The following MILR1 variants were observed in gnomAD, a reference collection of about 807,000 sequenced individuals.
MILR1 encodes the protein allergin-1.
In MILR1, 31 loss-of-function variants were observed where a neutral mutation model predicts 18.5. The ratio of observed to expected loss-of-function variants is 1.68; its 90% confidence interval spans 1.26 to 2.26. The LOEUF is 2.26. Among genes scored for constraint, MILR1 ranks in the 30% most tolerant of loss-of-function variants. MILR1 has a pLI of 0.00. For missense variants in MILR1, 257 were observed against 157.4 expected, an observed-to-expected ratio of 1.63 and a Z score of -3.38; for synonymous variants, 85 against 56.2, an observed-to-expected ratio of 1.51 and a Z score of -2.30.
At chr17:64,497,144 C>T in the MILR1 span, 1 of 695,188 alleles carries the variant, frequency 1.4e-6, no homozygotes, top group South Asian at 1.6e-5. Context: ...GCAGCCGTCC[C>T]CCGCCCACCA....
At chr17:64,486,771 G>C in the MILR1 span, 114 of 152,214 alleles carry the variant, frequency 7.5e-4, no homozygotes, top group African/African-American at 2.7e-3. Context: ...ATAATTTTCT[G>C]AAACGTAAAG....
chr17:64,494,939 C>T, the MILR1 span, among the ~76,000 whole-genome samples: 1 of 151,990 alleles, frequency 6.6e-6, no homozygotes, highest in Admixed American at 6.6e-5. Context: ...TTTGGGAGGC[C>T]GAGGCGGGCG....
the MILR1 span, among the ~76,000 whole-genome samples, chr17:64,483,452 T>C: frequency 1.3e-5 from 2 of 151,128 alleles, no homozygotes; most frequent in East Asian, 1.9e-4. Flanking sequence ...AGGTCAAGGC[T>C]GCAGTGAGCC....
chr17:64,478,715 G>A, the MILR1 span, among the ~76,000 whole-genome samples: 2 of 152,132 alleles, frequency 1.3e-5, no homozygotes, highest in African/African-American at 4.8e-5. Flanking sequence ...GGCCAACATA[G>A]TGAAACCCCA....
chr17:64,472,549 A>C (rs2037706679), downstream of MILR1, among the ~76,000 whole-genome samples: 1 of 149,370 alleles, frequency 6.7e-6, no homozygotes, highest in South Asian at 2.1e-4. Context: ...CATTTCAGTC[A>C]TTCATGGACC....
At chr17:64,496,851 TG>T in the MILR1 span, 1 of 1,613,806 alleles carries the variant, frequency 6.2e-7, no homozygotes, top group Non-Finnish European at 8.5e-7. Context: ...TGCCCTCCTT[TG>T]GGGCTACTCC....
intron 4 of MILR1, among the ~76,000 whole-genome samples, chr17:64,459,947 G>C (rs1223739112): frequency 4.6e-5 from 7 of 151,486 alleles, no homozygotes; most frequent in Non-Finnish European, 8.8e-5. Context: ...TGGAAGATGT[G>C]CTTGGTCATG....
At chr17:64,496,866 C>T in the MILR1 span, 5 of 1,613,792 alleles carry the variant, frequency 3.1e-6, no homozygotes, top group Admixed American at 1.7e-5. Context: ...CTACTCCTTT[C>T]CGTCAACAGC....
At chr17:64,496,642 G>A in the MILR1 span, 2 of 1,613,950 alleles carry the variant, frequency 1.2e-6, no homozygotes, top group Non-Finnish European at 1.7e-6. Context: ...CTGCGGCCAG[G>A]TTCTTCCGCA....
intron 4 of MILR1, among the ~76,000 whole-genome samples, chr17:64,459,743 C>G (rs1168144767): frequency 6.6e-6 from 1 of 152,278 alleles, no homozygotes; most frequent in East Asian, 1.9e-4. Flanking sequence ...AGGTGAAGTG[C>G]CTAACACAGT....
chr17:64,478,251 T>A, the MILR1 span, among the ~76,000 whole-genome samples: 2 of 152,046 alleles, frequency 1.3e-5, no homozygotes, highest in African/African-American at 2.4e-5. Flanking sequence ...CCTCAACACA[T>A]CATTTGGGGT....
chr17:64,460,922 A>G lies in MILR1; in HGVS notation c.753A>G (p.Lys251=). ...TTCTGGCTTTTTGGGTACTGCCCAAATACAAAACAAGTAAGTTCTTTTAGT... is the reference window on the plus strand; with the variant it reads ...TTCTGGCTTTTTGGGTACTGCCCAAGTACAAAACAAGTAAGTTCTTTTAGT... ...ILILAFWVLP[K]YKTRKAMRNN... Residue 251 remains lysine (K), a synonymous_variant, in exon 5 of 10, where the codon AAA becomes AAG. Coordinates refer to ENST00000619286, the MANE Select transcript of MILR1 (RefSeq NM_001085423.2). 2.1e-6 allele frequency: 1 copy of G among 474,904 alleles called. No individual in the cohort carries two copies. The highest frequency in any genetic ancestry group is 3.9e-6 in the Non-Finnish European group (1 of 258,720). 29.4% of individuals were successfully genotyped at this position (474,904 alleles called of 1,614,324 possible). A position where few individuals can be genotyped will look rare whatever the true frequency, so the allele number is the denominator to read the frequency against.
the MILR1 span, among the ~76,000 whole-genome samples, chr17:64,492,374 C>A: frequency 6.6e-6 from 1 of 152,104 alleles, no homozygotes; most frequent in Non-Finnish European, 1.5e-5. Context: ...GAAGCTGTGA[C>A]AATGGTCAAG....
At chr17:64,485,887 G>A in the MILR1 span, 1 of 1,613,190 alleles carries the variant, frequency 6.2e-7, no homozygotes, top group Non-Finnish European at 8.5e-7. Flanking sequence ...AAAAACAGAA[G>A]AAAAATAATC....
chr17:64,491,615 T>C, the MILR1 span: 83 of 1,530,666 alleles, frequency 5.4e-5, 1 homozygote, highest in African/African-American at 4.1e-4. Context: ...ACTTCAGCCC[T>C]AGTGGCCTTG....
At chr17:64,489,361 T>TAAA in the MILR1 span, among the ~76,000 whole-genome samples, 1 of 135,360 alleles carries the variant, frequency 7.4e-6, no homozygotes. Flanking sequence ...TGTTTTTTTT[T>TAAA]AAAAAAAAAA....
chr17:64,471,711 G>C (rs1291920065), downstream of MILR1, among the ~76,000 whole-genome samples: 1 of 152,186 alleles, frequency 6.6e-6, no homozygotes, highest in Non-Finnish European at 1.5e-5. Flanking sequence ...CAATACCCTG[G>C]GAGGCCAAGG....
the MILR1 span, among the ~76,000 whole-genome samples, chr17:64,478,417 T>C: frequency 2.0e-5 from 3 of 152,336 alleles, no homozygotes; most frequent in African/African-American, 7.2e-5. Context: ...GTTTCCTTTA[T>C]TGAGTAGCTA....
the MILR1 span, among the ~76,000 whole-genome samples, chr17:64,494,092 TTC>T: frequency 5.3e-5 from 8 of 152,226 alleles, no homozygotes; most frequent in Non-Finnish European, 1.0e-4. Flanking sequence ...ATGTACTGCA[TTC>T]TGAGTAGGTT....
Sources: allele counts gnomAD v4.1 joint callset (sites outside exome capture counted in the v4.1 genomes callset), GRCh38; gene constraint gnomAD v4.1.1; transcripts MANE v1.5; gene names NCBI Gene and HGNC (gene_info 2026-07-23, HGNC 2026-07-21).